CALD1: variants seen among roughly 807,000 people sequenced by gnomAD.
CALD1 encodes caldesmon 1, also known as caldesmon.
A neutral mutation model predicts 99.9 loss-of-function variants in CALD1; 33 were observed. That is an observed-to-expected ratio of 0.33 (90% CI 0.25 to 0.44). CALD1 has a LOEUF of 0.44. Among genes scored for constraint, CALD1 ranks in the 20% least tolerant of loss-of-function variants. CALD1 has a pLI of 1.00. For missense variants in CALD1, 861 were observed against 962.1 expected (o/e 0.89, Z 1.39); for synonymous variants, 310 against 325.0 (o/e 0.95, Z 0.50).
At chr7:134,913,161 G>T (rs185054995) in intron 3 of CALD1, among the ~76,000 whole-genome samples, 5 of 152,298 alleles carry the variant, frequency 3.3e-5, no homozygotes, top group African/African-American at 9.6e-5. Context: ...AGCTACTTGG[G>T]AGGCTAAGGC....
chr7:134,865,431 G>C (rs1360921976), intron 2 of CALD1, among the ~76,000 whole-genome samples: 1 of 151,678 alleles, frequency 6.6e-6, no homozygotes, highest in Non-Finnish European at 1.5e-5. Context: ...ACACCCACTC[G>C]TGTGCACAAA....
chr7:134,881,052 G>C (rs1030730104), intron 3 of CALD1, among the ~76,000 whole-genome samples: 1 of 152,172 alleles, frequency 6.6e-6, no homozygotes, highest in African/African-American at 2.4e-5. Context: ...AGAGACATAT[G>C]CGCTTCAGAA....
chr7:134,875,036 C>A (rs1801282836), intron 3 of CALD1, among the ~76,000 whole-genome samples: 1 of 152,156 alleles, frequency 6.6e-6, no homozygotes, highest in Non-Finnish European at 1.5e-5. Context: ...GTTATTTTAT[C>A]ATCAGAACAT....
upstream of CALD1, among the ~76,000 whole-genome samples, chr7:134,741,110 T>C (rs1393542284): frequency 2.0e-5 from 3 of 152,152 alleles, no homozygotes; most frequent in African/African-American, 7.2e-5. Flanking sequence ...ATTTGAGCTT[T>C]GTATTATTAG....
intron 3 of CALD1, among the ~76,000 whole-genome samples, chr7:134,872,129 A>T (rs1414314495): frequency 6.6e-6 from 1 of 152,200 alleles, no homozygotes; most frequent in African/African-American, 2.4e-5. Context: ...GCACTCTGGG[A>T]GGCTGAGGTG....
chr7:134,893,818 C>T (rs1345599030), intron 3 of CALD1, among the ~76,000 whole-genome samples: 1 of 152,086 alleles, frequency 6.6e-6, no homozygotes, highest in Non-Finnish European at 1.5e-5. Context: ...TAAGGATGTG[C>T]CTGGGAGATA....
intron 3 of CALD1, among the ~76,000 whole-genome samples, chr7:134,909,996 C>G (rs537704264): frequency 1.3e-5 from 2 of 152,136 alleles, no homozygotes; most frequent in Admixed American, 1.3e-4. Flanking sequence ...CAAAGGACAG[C>G]TTAGAAAGCA....
At chr7:134,733,049 T>C in the CALD1 span, among the ~76,000 whole-genome samples, 1 of 152,222 alleles carries the variant, frequency 6.6e-6, no homozygotes, top group Non-Finnish European at 1.5e-5. Flanking sequence ...TCACTCCTAT[T>C]GGGACTGCAG....
At chr7:134,841,730 G>A (rs191962878) in intron 1 of CALD1, among the ~76,000 whole-genome samples, 4 of 152,312 alleles carry the variant, frequency 2.6e-5, no homozygotes, top group African/African-American at 9.6e-5. Flanking sequence ...GCCCTGTGGG[G>A]ATCGTTTTTT....
intron 3 of CALD1, among the ~76,000 whole-genome samples, chr7:134,887,422 C>T (rs908125600): frequency 6.6e-6 from 1 of 152,170 alleles, no homozygotes; most frequent in Non-Finnish European, 1.5e-5. Context: ...TTGCCTAGTT[C>T]TAAGAGTACA....
intron 1 of CALD1, chr7:134,745,485 TC>T (rs1796627862): frequency 6.6e-6 from 1 of 152,178 alleles, no homozygotes; most frequent in African/African-American, 2.4e-5. Flanking sequence ...TGGATTAAAC[TC>T]CCTCCCTTGC....
chr7:134,767,507 A>G (rs1032403259), intron 1 of CALD1, among the ~76,000 whole-genome samples: 1 of 152,196 alleles, frequency 6.6e-6, no homozygotes, highest in Non-Finnish European at 1.5e-5. Context: ...GCCCCTCACA[A>G]GTATGCCTGC....
At chr7:134,934,564 A>G (rs1805809388) in intron 5 of CALD1, among the ~76,000 whole-genome samples, 1 of 152,172 alleles carries the variant, frequency 6.6e-6, no homozygotes, top group South Asian at 2.1e-4. Context: ...GACATGAAGA[A>G]TAATGGTCAG....
chr7:134,960,830 C>G, intron 13 of CALD1: 1 of 500,396 alleles, frequency 2.0e-6, no homozygotes, highest in South Asian at 2.6e-5. Flanking sequence ...AAAATGGAAC[C>G]AAATAATCAC....
At chr7:134,718,121 A>G in the CALD1 span, among the ~76,000 whole-genome samples, 1 of 152,224 alleles carries the variant, frequency 6.6e-6, no homozygotes, top group Non-Finnish European at 1.5e-5. Context: ...ATGGGAGAGC[A>G]GTTTTTTTAT....
intron 7 of CALD1, 142 bp from the exon 8 acceptor site, chr7:134,947,366 C>A: frequency 1.2e-6 from 1 of 824,842 alleles, no homozygotes; most frequent in South Asian, 1.8e-5. Context: ...GGGCAGACCC[C>A]TTCCCCAGCC....
intron 3 of CALD1, among the ~76,000 whole-genome samples, chr7:134,873,553 C>T (rs557373611): frequency 4.6e-5 from 7 of 152,246 alleles, no homozygotes; most frequent in African/African-American, 9.6e-5. Flanking sequence ...AAAGACGGAC[C>T]GCCGCCGGCC....
At chr7:134,885,041 C>G (rs900796029) in intron 3 of CALD1, among the ~76,000 whole-genome samples, 1 of 151,922 alleles carries the variant, frequency 6.6e-6, no homozygotes, top group Non-Finnish European at 1.5e-5. Context: ...CAGGTTCAAG[C>G]GATTCTCATG....
At chr7:134,778,730 C>T (rs912515085), upstream of CALD1, among the ~76,000 whole-genome samples, 8 of 152,160 alleles carry the variant, frequency 5.3e-5, no homozygotes, top group East Asian at 9.6e-4. Context: ...GTCACCTCTG[C>T]GGGATATATG....
Sources: gnomAD v4.1 joint callset for allele counts (sites outside exome capture counted in the v4.1 genomes callset) on GRCh38, gnomAD v4.1.1 for gene constraint, MANE v1.5 for transcripts, NCBI Gene and HGNC (gene_info 2026-07-23, HGNC 2026-07-21) for gene names.